Variants in NBEAL1 observed in about 807,000 individuals in gnomAD.
The protein encoded by NBEAL1 is neurobeachin like 1.
NBEAL1 carries 273 observed loss-of-function variants against 351.3 expected under a neutral mutation model. The ratio of observed to expected loss-of-function variants is 0.78; its 90% CI spans 0.70 to 0.86. The LOEUF is 0.86. Among genes scored for constraint, NBEAL1 ranks in the 40% least tolerant of loss-of-function variants. The pLI is 0.00. For synonymous variants in NBEAL1, 1,050 were observed against 1,086.4 expected (o/e 0.97, Z 0.66); for missense variants, 2,961 against 3,201.3 (o/e 0.92, Z 1.81).
chr2:203,136,207 T>C lies in NBEAL1; in HGVS notation c.4344T>C (p.Asn1448=). 6.2e-7 allele frequency: 1 copy of C among 1,607,500 alleles called. No homozygotes were observed. The highest frequency in any genetic ancestry group is 8.5e-7 in the Non-Finnish European group (1 of 1,178,284). The change falls in exon 28 of 56, where the codon AAT becomes AAC. Residue 1448 remains asparagine, a synonymous_variant. Transcript: ENST00000683969. ...CTGACAGAGAAAGCAGCATCACAAA[T>C]GATATGGGCTTTAGTGATGACTTCT... ...VHSDRESSIT[N]DMGFSDDFSL...
chr2:203,220,143 G>C lies in NBEAL1; in HGVS notation c.*2789G>C, dbSNP rs1334345007. 6.6e-6 allele frequency among the ~76,000 whole-genome samples: 1 copy of C among 152,124 alleles called. No individual in the cohort carries two copies. The highest frequency in any genetic ancestry group is 1.5e-5 in the Non-Finnish European group (1 of 68,014). ...ACAGTATCATTGGAATGAAATAACAGGTGGACATTTCAATTGGTGAATATA... is the reference window on the plus strand; with the variant it reads ...ACAGTATCATTGGAATGAAATAACACGTGGACATTTCAATTGGTGAATATA... On this transcript the variant is annotated 3_prime_UTR_variant, in exon 56 of 56. Coordinates refer to ENST00000683969, the MANE Select transcript of NBEAL1 (RefSeq NM_001378026.1).
chr2:203,209,708 TTA>T (rs2065720480), intron 53 of NBEAL1, among the ~76,000 whole-genome samples: 1 of 145,694 alleles, frequency 6.9e-6, no homozygotes, highest in African/African-American at 2.5e-5. Flanking sequence ...ATTTATTTAA[TTA>T]ATATGTGTGT....
intron 47 of NBEAL1, among the ~76,000 whole-genome samples, chr2:203,196,158 A>G (rs933948007): frequency 6.6e-6 from 1 of 152,252 alleles, no homozygotes; most frequent in Non-Finnish European, 1.5e-5. Context: ...TATAATGCCA[A>G]TAGAACTATT....
At chr2:203,148,107 CTAA>C (rs2063555436) in intron 33 of NBEAL1, among the ~76,000 whole-genome samples, 1 of 151,882 alleles carries the variant, frequency 6.6e-6, no homozygotes, top group Non-Finnish European at 1.5e-5. Flanking sequence ...CCTACTAAGT[CTAA>C]TAATAGTTAA....
At chr2:203,043,537 T>G (rs1228153309) in intron 3 of NBEAL1, among the ~76,000 whole-genome samples, 2 of 151,940 alleles carry the variant, frequency 1.3e-5, no homozygotes, top group African/African-American at 4.8e-5. Flanking sequence ...GCCTAGGAGT[T>G]TGAGACCAGC....
At chr2:203,119,367 C>G (rs2062773118) in intron 18 of NBEAL1, among the ~76,000 whole-genome samples, 1 of 148,726 alleles carries the variant, frequency 6.7e-6, no homozygotes, top group Non-Finnish European at 1.5e-5. Flanking sequence ...GATCCACCCA[C>G]TTAGGCCTTG....
intron 39 of NBEAL1, among the ~76,000 whole-genome samples, chr2:203,170,517 ATTC>A (rs2064287235): frequency 6.6e-6 from 1 of 152,166 alleles, no homozygotes; most frequent in South Asian, 2.1e-4. Flanking sequence ...CATGAATTAT[ATTC>A]TTATTTATAT....
chr2:203,071,739 A>G (rs1024549066), intron 7 of NBEAL1, among the ~76,000 whole-genome samples: 3 of 152,204 alleles, frequency 2.0e-5, no homozygotes, highest in Non-Finnish European at 4.4e-5. Context: ...GAAAACAAAT[A>G]AGTTATATGT....
At position 203,132,144 on chromosome 2, in the gene NBEAL1, G is replaced by A; in HGVS notation, c.3724+12G>A. 3 of 1,412,046 alleles carry A rather than the reference G, an allele frequency of 2.1e-6. No homozygotes were observed. The highest frequency in any genetic ancestry group is 1.9e-6 in the Non-Finnish European group (2 of 1,046,014). The allele number at this position is 1,412,046 out of a possible 1,614,324, so 87.5% of individuals were successfully genotyped here. On this transcript the variant is annotated intron_variant, in intron 26 of 55. Transcript: ENST00000683969. ...AATCATAAATACAGGTATGAATAAG[G>A]CTAATAAAGCTAACATATTTAAGAA...
At chr2:203,024,142 G>A (rs1423421263) in intron 2 of NBEAL1, among the ~76,000 whole-genome samples, 3 of 151,322 alleles carry the variant, frequency 2.0e-5, no homozygotes, top group Non-Finnish European at 4.4e-5. Context: ...TCTACAGTGA[G>A]CTGGGATCAT....
chr2:203,022,455 G>A (rs2060787882), intron 2 of NBEAL1, among the ~76,000 whole-genome samples: 1 of 152,070 alleles, frequency 6.6e-6, no homozygotes. Flanking sequence ...AGTATTAGAG[G>A]TGATATTTAG....
rs564381876 is a variant in NBEAL1, at chr2:203,021,286, A to T, written c.51+4851A>T. Among the ~76,000 whole-genome samples, 534 of 149,244 alleles carry T rather than the reference A, an allele frequency of 3.6e-3. 2 individuals are homozygous for T. Among genetic ancestry groups the T allele is most frequent in the Non-Finnish European group, 6.6e-3 (445 of 67,312 alleles). ...CGTGAGCCACTGCGCCCAGCCCAGT[A>T]TTTTTTTTAATGTCTAAAGATTTCA... On this transcript the variant is annotated intron_variant, in intron 2 of 55. Coordinates refer to ENST00000683969, the MANE Select transcript of NBEAL1 (RefSeq NM_001378026.1).
chr2:203,077,563 C>T (rs142525259), intron 7 of NBEAL1, among the ~76,000 whole-genome samples, 189 bp from the exon 8 acceptor site: 60 of 152,180 alleles, frequency 3.9e-4, no homozygotes, highest in Non-Finnish European at 6.8e-4. Context: ...ACGTAAATAC[C>T]TAAAATGCTA....
intron 3 of NBEAL1, among the ~76,000 whole-genome samples, chr2:203,042,474 TA>T (rs2061157646): frequency 1.3e-5 from 2 of 152,240 alleles, no homozygotes; most frequent in South Asian, 2.1e-4. Context: ...TCCAGAGTTT[TA>T]TTGGAGTCTT....
At chr2:203,123,640 C>G (rs960938419) in intron 19 of NBEAL1, among the ~76,000 whole-genome samples, 1 of 151,858 alleles carries the variant, frequency 6.6e-6, no homozygotes, top group African/African-American at 2.4e-5. Flanking sequence ...GGCCAGAACA[C>G]TTTTTTTTAT....
At chr2:203,052,704 A>G (rs2061342066) in intron 4 of NBEAL1, among the ~76,000 whole-genome samples, 1 of 146,576 alleles carries the variant, frequency 6.8e-6, no homozygotes, top group Admixed American at 6.9e-5. Context: ...CTACAGGTAC[A>G]TGCCACCATG....
At chr2:203,170,350 G>A (rs534409749) in intron 39 of NBEAL1, among the ~76,000 whole-genome samples, 1 of 152,152 alleles carries the variant, frequency 6.6e-6, no homozygotes, top group East Asian at 1.9e-4. Flanking sequence ...TGCAGCCTGG[G>A]CGACAGAGCA....
chr2:203,189,727 C>A (rs887597130), intron 45 of NBEAL1, among the ~76,000 whole-genome samples: 2 of 151,914 alleles, frequency 1.3e-5, no homozygotes, highest in African/African-American at 4.8e-5. Flanking sequence ...CTTTCAATTG[C>A]TTAAAATATT....
intron 52 of NBEAL1, 46 bp from the exon 53 acceptor site, chr2:203,209,115 T>G: frequency 6.7e-7 from 1 of 1,492,716 alleles, no homozygotes; most frequent in Non-Finnish European, 9.2e-7. Context: ...TTTTTTGCTG[T>G]TCTTTTCCTT....
Sources: allele counts gnomAD v4.1 joint callset (sites outside exome capture counted in the v4.1 genomes callset), GRCh38; gene constraint gnomAD v4.1.1; transcripts MANE v1.5; gene names NCBI Gene and HGNC (gene_info 2026-07-23, HGNC 2026-07-21).